The following PRKG1 variants were observed in gnomAD, a reference collection of about 807,000 sequenced individuals.
PRKG1 encodes cGMP-dependent protein kinase 1.
PRKG1 carries 35 observed loss-of-function variants against 88.1 expected under a neutral mutation model. The observed-to-expected ratio is 0.40, with a 90% CI of 0.30 to 0.53. The LOEUF is 0.53. PRKG1 is among the 20% of genes least tolerant of loss of function. PRKG1 has a pLI of 0.59. For synonymous variants in PRKG1, 303 were observed against 292.5 expected (o/e 1.04, Z -0.37); for missense variants, 540 against 839.8 (o/e 0.64, Z 4.41).
intron 3 of PRKG1, among the ~76,000 whole-genome samples, chr10:51,514,996 A>G (rs552050918): frequency 1.5e-4 from 23 of 152,176 alleles, no homozygotes; most frequent in Non-Finnish European, 3.1e-4. Context: ...AACAGATGTC[A>G]GTAGTATCCT....
At chr10:51,259,666 G>T (rs1839653438) in intron 2 of PRKG1, among the ~76,000 whole-genome samples, 1 of 152,148 alleles carries the variant, frequency 6.6e-6, no homozygotes, top group Admixed American at 6.5e-5. Context: ...AGTAGTGACA[G>T]GGTTTCACCA....
chr10:51,484,708 T>C (rs374155262), intron 3 of PRKG1, among the ~76,000 whole-genome samples: 15 of 152,328 alleles, frequency 9.8e-5, no homozygotes, highest in African/African-American at 3.6e-4. Context: ...TAGTTAACCC[T>C]AGAGTGCTAA....
rs1212298294 is a variant in PRKG1, at chr10:52,084,011, C to T, written c.935+21380C>T. 7.9e-5 allele frequency among the ~76,000 whole-genome samples: 12 copies of T among 151,934 alleles called. No individual in the cohort carries two copies. The East Asian group carries it at 2.3e-3, about 29-fold the overall frequency. On this transcript the variant is annotated intron_variant, in intron 7 of 17. Transcript: ENST00000373980. ...ACATGAATACATAATAATTAAATCACATTTGATATTGATGGACTATAAGGA... is the reference window on the plus strand; with the variant it reads ...ACATGAATACATAATAATTAAATCATATTTGATATTGATGGACTATAAGGA...
At chr10:51,857,297 AT>A (rs1840707964) in intron 4 of PRKG1, among the ~76,000 whole-genome samples, 1 of 152,240 alleles carries the variant, frequency 6.6e-6, no homozygotes, top group Non-Finnish European at 1.5e-5. Flanking sequence ...TTGTATAATA[AT>A]AGTAGTTAAT....
intron 3 of PRKG1, among the ~76,000 whole-genome samples, chr10:51,489,014 T>C (rs541811204): frequency 1.4e-4 from 22 of 152,286 alleles, no homozygotes; most frequent in Middle Eastern, 6.8e-3. Flanking sequence ...AAAACTGCCG[T>C]TGGCAGGATG....
chr10:51,419,804 A>ATTT (rs1415273874), intron 2 of PRKG1, among the ~76,000 whole-genome samples: 1 of 142,220 alleles, frequency 7.0e-6, no homozygotes, highest in African/African-American at 2.6e-5. Flanking sequence ...AGAGCCAATA[A>ATTT]TTTTTTTTTT....
At chr10:51,665,297 G>A (rs545044098) in intron 3 of PRKG1, among the ~76,000 whole-genome samples, 60 of 152,092 alleles carry the variant, frequency 3.9e-4, no homozygotes, top group East Asian at 2.5e-3. Context: ...CCTAATTTGC[G>A]GTATGAAATG....
chr10:52,078,201 T>C (rs1047232212), intron 7 of PRKG1, among the ~76,000 whole-genome samples: 7 of 152,194 alleles, frequency 4.6e-5, no homozygotes, highest in Non-Finnish European at 1.0e-4. Flanking sequence ...CCTGGAGAAA[T>C]AGAATTTGTT....
chr10:51,761,666 AGT>A (rs1219263146), intron 3 of PRKG1, among the ~76,000 whole-genome samples: 2 of 152,228 alleles, frequency 1.3e-5, no homozygotes, highest in African/African-American at 4.8e-5. Context: ...TTTTTCAAAA[AGT>A]GTTTTAATTT....
intron 2 of PRKG1, among the ~76,000 whole-genome samples, chr10:51,300,340 G>C (rs1840850123): frequency 6.6e-6 from 1 of 152,120 alleles, no homozygotes; most frequent in African/African-American, 2.4e-5. Flanking sequence ...ACTTCTTGTG[G>C]AGTAATAGTA....
At chr10:51,943,009 T>C (rs1412231599) in intron 5 of PRKG1, among the ~76,000 whole-genome samples, 1 of 152,012 alleles carries the variant, frequency 6.6e-6, no homozygotes, top group Non-Finnish European at 1.5e-5. Flanking sequence ...GGTAGCTTGA[T>C]GGGGATGGCA....
intron 1 of PRKG1, among the ~76,000 whole-genome samples, chr10:51,106,875 T>C (rs1187395753): frequency 2.6e-5 from 4 of 152,208 alleles, no homozygotes; most frequent in South Asian, 2.1e-4. Flanking sequence ...ACAAGCATGA[T>C]GTCAGGGACA....
chr10:51,304,179 C>A (rs1840971421), intron 2 of PRKG1, among the ~76,000 whole-genome samples: 1 of 152,020 alleles, frequency 6.6e-6, no homozygotes, highest in South Asian at 2.1e-4. Flanking sequence ...TCAGAATTTT[C>A]TTTGGAAGAA....
In PRKG1 at chr10:52,288,711, C is replaced by A; in HGVS notation, c.1710-15C>A. ...ATAAAAGTAATATCTCTTGTCGTGT[C>A]TCTCATTCTTGCAGCCCACCTTTCT... On this transcript the variant is annotated splice_polypyrimidine_tract_variant and intron_variant, in intron 14 of 17. Transcript: ENST00000373980. The A allele has an allele frequency of 6.4e-7, 1 of 1,568,852 alleles. No individual in the cohort carries two copies. Among genetic ancestry groups the A allele is most frequent in the South Asian group, 1.2e-5 (1 of 82,446 alleles).
chr10:51,684,312 T>C (rs1840930036), intron 3 of PRKG1, among the ~76,000 whole-genome samples: 1 of 152,076 alleles, frequency 6.6e-6, no homozygotes, highest in Non-Finnish European at 1.5e-5. Context: ...AGTAGAACAG[T>C]GGTTGCCTAA....
At chr10:51,908,725 C>CTATCTATCTATCTATCTATATATA (rs1299574623) in intron 5 of PRKG1, 2 of 60,584 alleles carry the variant, frequency 3.3e-5, no homozygotes, top group South Asian at 4.8e-4. Flanking sequence ...GTCTATCTAT[C>CTATCTATCTATCTATCTATATATA]TATATGTAAT....
chr10:51,850,251 AC>A (rs1205156019), intron 4 of PRKG1, among the ~76,000 whole-genome samples: 3 of 152,194 alleles, frequency 2.0e-5, no homozygotes, highest in Non-Finnish European at 2.9e-5. Flanking sequence ...ATCTCAGCTC[AC>A]TGCAAACTCT....
intron 9 of PRKG1, among the ~76,000 whole-genome samples, chr10:52,186,624 T>A (rs1839208065): frequency 6.6e-6 from 1 of 152,072 alleles, no homozygotes; most frequent in African/African-American, 2.4e-5. Flanking sequence ...GCATGTTTAG[T>A]AGCATCACTG....
At position 51,234,799 on chromosome 10, in the gene PRKG1, GA is replaced by G. The variant is rs1011421049; in HGVS notation, c.478+81477del. 5.4e-4 allele frequency among the ~76,000 whole-genome samples: 81 copies of G among 150,984 alleles called. No individual in the cohort carries two copies. The South Asian group carries it at 9.8e-3, about 18-fold the overall frequency. ...AAAAGTATTATTTCTGAATGGAAAA[GA>G]AAAAAAATAAAAATATTTCACCGAA... On this transcript the variant is annotated intron_variant, in intron 2 of 17. Coordinates refer to ENST00000373980, the MANE Select transcript of PRKG1 (RefSeq NM_006258.4).
Sources: gnomAD v4.1 joint callset for allele counts (sites outside exome capture counted in the v4.1 genomes callset) on GRCh38, gnomAD v4.1.1 for gene constraint, MANE v1.5 for transcripts, NCBI Gene and HGNC (gene_info 2026-07-23, HGNC 2026-07-21) for gene names.